The following ADK variants were observed in gnomAD, a reference collection of about 807,000 sequenced individuals.
The protein encoded by ADK is adenosine kinase.
In ADK, 24 loss-of-function variants were observed where a neutral mutation model predicts 44.7. The ratio of observed to expected loss-of-function variants is 0.54; its 90% CI spans 0.39 to 0.76. The LOEUF (loss-of-function observed/expected upper bound fraction) is 0.76, where lower values mean the gene tolerates loss of function less well. Ranked by LOEUF, ADK falls within the 30% of genes least tolerant of loss-of-function variation. The probability of loss-of-function intolerance (pLI) is 0.00; values close to 1 mark genes in which losing one functional copy is unlikely to be tolerated. For synonymous variants in ADK, 128 were observed against 142.6 expected (o/e 0.90, Z 0.73); for missense variants, 321 against 425.1 (o/e 0.76, Z 2.15).
At chr10:74,529,934 G>A (rs1215946187) in intron 7 of ADK, among the ~76,000 whole-genome samples, 1 of 152,132 alleles carries the variant, frequency 6.6e-6, no homozygotes, top group Non-Finnish European at 1.5e-5. Flanking sequence ...GTACGCCTCA[G>A]TGTTTACCCT....
At chr10:74,431,811 C>T (rs1255903150) in intron 6 of ADK, among the ~76,000 whole-genome samples, 1 of 151,678 alleles carries the variant, frequency 6.6e-6, no homozygotes, top group Non-Finnish European at 1.5e-5. Flanking sequence ...GACTCTATCT[C>T]AGTCAATCAA....
At chr10:74,292,908 A>G (rs1591997523) in intron 3 of ADK, among the ~76,000 whole-genome samples, 1 of 152,232 alleles carries the variant, frequency 6.6e-6, no homozygotes, top group South Asian at 2.1e-4. Flanking sequence ...AGATTGGCGG[A>G]CATTTTAAAA....
Position 74,642,827 on chromosome 10 carries a change from CTTTTTTT to C in ADK, c.878-27338_878-27332del, listed in dbSNP as rs770015945. ...CTGAATTCTTATAAAATCTTAAGTT[CTTTTTTT>C]TTTTTTTTTTTTTTTTTAAGACAGG... On this transcript the variant is annotated intron_variant, in intron 9 of 10. Coordinates refer to ENST00000539909, the MANE Select transcript of ADK (RefSeq NM_006721.4). 1.0e-4 allele frequency among the ~76,000 whole-genome samples: 8 copies of C among 77,486 alleles called. 1 individual carries two copies. The South Asian group carries it at 2.2e-3, about 22-fold the overall frequency. 50.8% of individuals were successfully genotyped at this position (77,486 alleles called of 152,430 possible).
At chr10:74,518,673 ATTGT>A (rs943691884) in intron 6 of ADK, among the ~76,000 whole-genome samples, 9 of 152,198 alleles carry the variant, frequency 5.9e-5, no homozygotes, top group African/African-American at 2.2e-4. Context: ...CCTGATAAAA[ATTGT>A]TTAAGAGATA....
At chr10:74,669,897 G>T (rs1855107718) in intron 9 of ADK, among the ~76,000 whole-genome samples, 1 of 152,094 alleles carries the variant, frequency 6.6e-6, no homozygotes, top group South Asian at 2.1e-4. Flanking sequence ...TGTCCAGAAA[G>T]GTACTGCTAC....
At chr10:74,392,150 C>T (rs1420736405) in intron 4 of ADK, among the ~76,000 whole-genome samples, 1 of 152,082 alleles carries the variant, frequency 6.6e-6, no homozygotes, top group Admixed American at 6.6e-5. Flanking sequence ...TGAGATCCTG[C>T]TTTGAATTCT....
intron 1 of ADK, among the ~76,000 whole-genome samples, chr10:74,171,402 G>T (rs1424434888): frequency 6.6e-6 from 1 of 152,174 alleles, no homozygotes; most frequent in Non-Finnish European, 1.5e-5. Context: ...TGTTTGAAGA[G>T]AACTTTGCTA....
chr10:74,563,106 G>A (rs1380492401), intron 7 of ADK, among the ~76,000 whole-genome samples: 3 of 151,870 alleles, frequency 2.0e-5, no homozygotes, highest in Admixed American at 6.6e-5. Flanking sequence ...GCTGGAGTGC[G>A]GTGGCTATTC....
chr10:74,661,633 T>G (rs2134170806), intron 9 of ADK, among the ~76,000 whole-genome samples: 1 of 152,368 alleles, frequency 6.6e-6, no homozygotes, highest in South Asian at 2.1e-4. Flanking sequence ...CTTGCCTTAC[T>G]TGATATATAA....
intron 10 of ADK, among the ~76,000 whole-genome samples, chr10:74,708,112 T>C (rs1856669290): frequency 6.9e-6 from 1 of 144,886 alleles, no homozygotes; most frequent in East Asian, 2.0e-4. Flanking sequence ...ATGATGCCAC[T>C]GTACTCCAGC....
At chr10:74,341,182 A>G (rs967862362) in intron 4 of ADK, among the ~76,000 whole-genome samples, 1 of 152,106 alleles carries the variant, frequency 6.6e-6, no homozygotes, top group African/African-American at 2.4e-5. Flanking sequence ...TTTCCTTCAC[A>G]TTTAGACTTG....
intron 6 of ADK, chr10:74,423,561 C>A (rs1048158514): frequency 4.2e-6 from 1 of 236,624 alleles, no homozygotes; most frequent in Non-Finnish European, 8.8e-6. Context: ...GTGTAAACTT[C>A]ATTCACGTTC....
intron 4 of ADK, among the ~76,000 whole-genome samples, chr10:74,357,261 C>T (rs769264629): frequency 1.3e-5 from 2 of 152,050 alleles, no homozygotes; most frequent in Admixed American, 6.6e-5. Context: ...AGAACGAATG[C>T]GGCAGATTGA....
chr10:74,446,366 G>A (rs890470898), intron 6 of ADK, among the ~76,000 whole-genome samples: 1 of 152,002 alleles, frequency 6.6e-6, no homozygotes, highest in Non-Finnish European at 1.5e-5. Context: ...CTATTTTCCA[G>A]TCAAGCCATT....
intron 9 of ADK, among the ~76,000 whole-genome samples, chr10:74,666,845 T>C (rs927932698): frequency 3.3e-5 from 5 of 150,382 alleles, no homozygotes; most frequent in African/African-American, 1.2e-4. Flanking sequence ...TTTTTTTTTT[T>C]TTTTTGAGAC....
chr10:74,449,682 G>T (rs544247050), intron 6 of ADK, among the ~76,000 whole-genome samples: 1 of 152,200 alleles, frequency 6.6e-6, no homozygotes, highest in Admixed American at 6.5e-5. Context: ...TGAATTCATT[G>T]ATTAAGTATT....
At position 74,618,787 on chromosome 10, in the gene ADK, C is replaced by CT. The variant is rs1333134787; in HGVS notation, c.877+18299dup. 2.6e-5 allele frequency among the ~76,000 whole-genome samples: 4 copies of CT among 152,012 alleles called. No homozygotes were observed. The South Asian group carries it at 6.2e-4, about 24-fold the overall frequency. On this transcript the variant is annotated intron_variant, in intron 9 of 10. Coordinates refer to ENST00000539909, the MANE Select transcript of ADK (RefSeq NM_006721.4). ...ATAATATTTTTATTTTCTCTAGCTGCTTTTTAGAATTTGTCAAACTTTAAC... is the reference window on the plus strand; with the variant it reads ...ATAATATTTTTATTTTCTCTAGCTGCTTTTTTAGAATTTGTCAAACTTTAAC...
At chr10:74,534,699 G>A (rs1210750399) in intron 7 of ADK, among the ~76,000 whole-genome samples, 1 of 152,152 alleles carries the variant, frequency 6.6e-6, no homozygotes, top group Non-Finnish European at 1.5e-5. Context: ...GTAGTTTTAG[G>A]AGTATTGATC....
rs567612509 is a variant in ADK at position 74,194,546 on chromosome 10, A to G, written c.66-6218A>G. 5.3e-5 allele frequency among the ~76,000 whole-genome samples: 8 copies of G among 152,350 alleles called. No individual in the cohort carries two copies. The East Asian group carries it at 1.5e-3, about 29-fold the overall frequency. On this transcript the variant is annotated intron_variant, in intron 1 of 10. Coordinates refer to ENST00000539909, the MANE Select transcript of ADK (RefSeq NM_006721.4). ...TCCTATTAATAATCAGAAGCTAGGT[A>G]GATTTTAAGTAGAAAAATATTATGT...
Sources: allele counts gnomAD v4.1 joint callset (sites outside exome capture counted in the v4.1 genomes callset), GRCh38; gene constraint gnomAD v4.1.1; transcripts MANE v1.5; gene names NCBI Gene and HGNC (gene_info 2026-07-23, HGNC 2026-07-21).